Variants in NEU3 observed in about 807,000 individuals in gnomAD.
NEU3 encodes neuraminidase 3.
NEU3 carries 10 observed loss-of-function variants against 11.4 expected under a neutral mutation model. The ratio of observed to expected loss-of-function variants is 0.88; its 90% confidence interval spans 0.54 to 1.49. NEU3 has a LOEUF of 1.49. Ranked by LOEUF, NEU3 falls within the 40% of genes most tolerant of loss-of-function variation. The probability of loss-of-function intolerance (pLI) is 0.00; values close to 1 mark genes in which losing one functional copy is unlikely to be tolerated. For missense variants in NEU3, 529 were observed against 581.8 expected (o/e 0.91, Z 0.93); for synonymous variants, 212 against 228.2 (o/e 0.93, Z 0.64).
At chr11:74,992,538 C>G (rs1948744140) in intron 1 of NEU3, among the ~76,000 whole-genome samples, 1 of 152,202 alleles carries the variant, frequency 6.6e-6, no homozygotes, top group African/African-American at 2.4e-5. Context: ...TGCTTTTTGT[C>G]TGTCTGGCTT....
chr11:75,017,527 C>A (rs573571749), intron 3 of NEU3, among the ~76,000 whole-genome samples: 2 of 152,284 alleles, frequency 1.3e-5, no homozygotes, highest in East Asian at 3.9e-4. Context: ...GAAGGGGCAC[C>A]TTTTCTAATT....
chr11:74,998,632 C>G (rs1948815594), intron 2 of NEU3, among the ~76,000 whole-genome samples: 2 of 152,208 alleles, frequency 1.3e-5, no homozygotes, highest in South Asian at 4.1e-4. Context: ...CAGCAGATAA[C>G]CTTCTTCTGC....
chr11:74,982,367 C>T, the NEU3 span, among the ~76,000 whole-genome samples: 1 of 152,172 alleles, frequency 6.6e-6, no homozygotes, highest in Non-Finnish European at 1.5e-5. Context: ...TTCAAGGTAG[C>T]TTACTGCCAA....
chr11:74,989,318 A>G (rs1948706439), intron 1 of NEU3, among the ~76,000 whole-genome samples, 164 bp downstream of exon 1: 4 of 152,172 alleles, frequency 2.6e-5, no homozygotes, highest in Non-Finnish European at 1.5e-5. Context: ...GGCTAGTCCT[A>G]TTTTTATTCG....
At chr11:74,993,261 T>TG (rs749555571) in intron 1 of NEU3, among the ~76,000 whole-genome samples, 1 of 152,128 alleles carries the variant, frequency 6.6e-6, no homozygotes, top group African/African-American at 2.4e-5. Flanking sequence ...TGGAGTGCAG[T>TG]GGGGCAATCT....
chr11:75,000,599 G>A lies in NEU3; in HGVS notation c.307-4814G>A, dbSNP rs113432370. Among the ~76,000 whole-genome samples the A allele has an allele frequency of 2.0e-3, 298 of 151,516 alleles. 2 individuals carry two copies. The highest frequency in any genetic ancestry group is 6.9e-3 in the African/African-American group (284 of 41,382). On this transcript the variant is annotated intron_variant, in intron 2 of 2. Coordinates refer to ENST00000294064, the MANE Select transcript of NEU3 (RefSeq NM_006656.6). ...AAGGCTGAATAATATATCATTGTAT[G>A]TATATACCATATTTTGTTTATACAT...
intron 1 of NEU3, among the ~76,000 whole-genome samples, chr11:74,992,191 T>G (rs549212865): frequency 1.3e-5 from 2 of 152,250 alleles, no homozygotes; most frequent in Non-Finnish European, 2.9e-5. Flanking sequence ...GCTCAATCAT[T>G]CTCTCCAAAA....
Position 75,008,452 on chromosome 11 carries a change from T to G in NEU3, c.*1960T>G, listed in dbSNP as rs900697599. 6.6e-6 allele frequency: 1 copy of G among 152,166 alleles called. No individual in the cohort carries two copies. Among genetic ancestry groups the G allele is most frequent in the Admixed American group, 6.5e-5 (1 of 15,270 alleles). The allele number at this position is 152,166 out of a possible 1,614,324, so 9.4% of individuals were successfully genotyped here. A position where few individuals can be genotyped will look rare whatever the true frequency, so the allele number is the denominator to read the frequency against. On this transcript the variant is annotated 3_prime_UTR_variant, in exon 3 of 3. Transcript: ENST00000294064. ...TCCTGAGTGGTAGAAACTCCTTGTT[T>G]AGCAAAGCTTTCCTGAACACTGTAC...
rs969345096 is a variant in NEU3, at chr11:75,005,645, A to C, written c.539A>C (p.Glu180Ala). The C allele has an allele frequency of 1.2e-6, 2 of 1,613,954 alleles. No individual in the cohort carries two copies. The highest frequency in any genetic ancestry group is 1.3e-5 in the African/African-American group (1 of 75,004). The change falls in exon 3 of 3, where the codon GAG becomes GCG. Residue 180 changes from glutamate to alanine, a missense_variant. Transcript: ENST00000294064. The stretch of plus-strand genomic sequence containing the variant: ...AGTGAGGTGAGGGACTTGACTGAGG[A>C]GGTCATTGGCTCAGAGCTGAAGCAC... ...SWSEVRDLTE[E>A]VIGSELKHWA...
Position 75,006,489 on chromosome 11 carries a change from T to C in NEU3, c.1383T>C (p.Asn461=). ...PGRNPSQFKS[N] ...GGAACCCAAGCCAATTCAAAAGCAA[T>C]TAATTGGCTTAGGACCCAATTTCCA... is the stretch of plus-strand genomic sequence containing the variant. Residue 461 remains asparagine, a synonymous_variant, in exon 3 of 3, where the codon AAT becomes AAC. Transcript: ENST00000294064. The C allele has an allele frequency of 1.9e-6, 3 of 1,605,610 alleles. No individual in the cohort carries two copies. The highest frequency in any genetic ancestry group is 2.6e-6 in the Non-Finnish European group (3 of 1,175,304).
Position 75,010,541 on chromosome 11 carries a change from A to G in NEU3, c.*4049A>G, listed in dbSNP as rs1440698023. The G allele has an allele frequency of 1.3e-5, 2 of 152,216 alleles. No individual in the cohort carries two copies. The highest frequency in any genetic ancestry group is 4.8e-5 in the African/African-American group (2 of 41,448). The allele number at this position is 152,216 out of a possible 1,614,324, so 9.4% of individuals were successfully genotyped here. ...ATATTCTCTGTTCTGGCCTGCTTCA[A>G]GGTCAGTTACACTACTTCCTGGGAT... On this transcript the variant is annotated 3_prime_UTR_variant, in exon 3 of 3. Transcript: ENST00000294064.
At chr11:74,987,223 C>T (rs955813335), upstream of NEU3, among the ~76,000 whole-genome samples, 1 of 152,186 alleles carries the variant, frequency 6.6e-6, no homozygotes, top group Non-Finnish European at 1.5e-5. Flanking sequence ...GAATAAAAAG[C>T]TGCTTTCCTT....
intron 1 of NEU3, 122 bp downstream of exon 1, chr11:74,989,276 C>A: frequency 1.3e-6 from 1 of 763,654 alleles, no homozygotes; most frequent in Non-Finnish European, 2.2e-6. Flanking sequence ...GCCACCTAGT[C>A]GGCTAGGATC....
At position 74,989,205 on chromosome 11, in the gene NEU3, G is replaced by A. The variant is rs916042357; in HGVS notation, c.94+51G>A. ...GCTCCCCGAGGAGGACTCAACTGTGGGGACAGGTTGAGCAAGACCATCTGC... is the reference window on the plus strand; with the variant it reads ...GCTCCCCGAGGAGGACTCAACTGTGAGGACAGGTTGAGCAAGACCATCTGC... On this transcript the variant is annotated intron_variant, in intron 1 of 2. Coordinates refer to ENST00000294064, the MANE Select transcript of NEU3 (RefSeq NM_006656.6). The A allele has an allele frequency of 1.0e-5, 15 of 1,436,460 alleles. No individual in the cohort carries two copies. In the East Asian group the frequency reaches 3.5e-4, roughly 33 times the overall value. 89.0% of individuals were successfully genotyped at this position (1,436,460 alleles called of 1,614,324 possible). A position where few individuals can be genotyped will look rare whatever the true frequency, so the allele number is the denominator to read the frequency against.
chr11:74,994,851 CA>C, intron 2 of NEU3, 131 bp downstream of exon 2: 2 of 841,904 alleles, frequency 2.4e-6, no homozygotes, highest in Non-Finnish European at 4.0e-6. Context: ...GAAAAAACAG[CA>C]AAAACAATGG....
rs765830428 is a variant in NEU3, at chr11:75,005,704, A to C, written c.598A>C (p.Ile200Leu). ...ATFAVGPGHG[I>L]QLQSGRLVIP... Reference sequence around the variant, plus strand: ...ATTTGCTGTGGGCCCAGGTCATGGCATCCAGCTGCAGTCAGGGAGACTGGT... The same window carrying C: ...ATTTGCTGTGGGCCCAGGTCATGGCCTCCAGCTGCAGTCAGGGAGACTGGT... Residue 200 changes from isoleucine (I) to leucine (L), a missense_variant, in exon 3 of 3, where the codon ATC (isoleucine) becomes CTC (leucine). Transcript: ENST00000294064. 6 of 1,613,862 alleles carry C rather than the reference A, an allele frequency of 3.7e-6. No homozygotes were observed. The East Asian group carries it at 1.1e-4, about 30-fold the overall frequency.
Position 75,005,423 on chromosome 11 carries a change from T to TGATG in NEU3, c.319_320insTGGA (p.Lys107MetfsTer68). 1 of 1,608,034 alleles carries TGATG rather than the reference T, an allele frequency of 6.2e-7. No individual in the cohort carries two copies. Among genetic ancestry groups the TGATG allele is most frequent in the Middle Eastern group, 1.7e-4 (1 of 6,030 alleles). On this transcript the variant is annotated frameshift_variant, in exon 3 of 3. Transcript: ENST00000294064. LOFTEE classifies it low-confidence loss of function (END_TRUNC). ...CTTCTCCTTGTCTAGTGGGGGCCCCTGAAGCCACTGATGGAAGCCACACTA... is the reference window on the plus strand; with the variant it reads ...CTTCTCCTTGTCTAGTGGGGGCCCCTGATGGAAGCCACTGATGGAAGCCACACTA...
At chr11:75,013,814 T>G (rs1948969972), downstream of NEU3, among the ~76,000 whole-genome samples, 1 of 152,210 alleles carries the variant, frequency 6.6e-6, no homozygotes, top group African/African-American at 2.4e-5. Context: ...TTCAGCAAGG[T>G]TACACAATAC....
rs536555878 is a variant in NEU3 at position 74,994,357 on chromosome 11, T to G, written c.95-152T>G. ...ATGTATATTGCTTGCTTTGTGCTAT[T>G]GAGAGCATATGTTATTCTTGTATAA... On this transcript the variant is annotated intron_variant, in intron 1 of 2. Transcript: ENST00000294064. Among the ~76,000 whole-genome samples, 335 of 152,362 alleles carry G rather than the reference T, an allele frequency of 2.2e-3. 1 individual carries two copies. The highest frequency in any genetic ancestry group is 4.3e-3 in the Non-Finnish European group (293 of 68,036).
Sources: gnomAD v4.1 joint callset for allele counts (sites outside exome capture counted in the v4.1 genomes callset) on GRCh38, gnomAD v4.1.1 for gene constraint, MANE v1.5 for transcripts, NCBI Gene and HGNC (gene_info 2026-07-23, HGNC 2026-07-21) for gene names.